Variants in SLC4A10 observed in about 807,000 individuals in gnomAD.
SLC4A10 encodes solute carrier family 4 member 10, also known as sodium-driven chloride bicarbonate exchanger.
Under a neutral mutation model 137.7 loss-of-function variants are expected in SLC4A10, and 42 were observed. That is an observed-to-expected ratio of 0.30 (90% CI 0.24 to 0.39). SLC4A10 has a LOEUF of 0.39. SLC4A10 is among the 10% of genes least tolerant of loss of function. The probability of loss-of-function intolerance (pLI) is 1.00; values close to 1 mark genes in which losing one functional copy is unlikely to be tolerated. For missense variants in SLC4A10, 925 were observed against 1,355.0 expected (o/e 0.68, Z 4.98); for synonymous variants, 474 against 464.1 (o/e 1.02, Z -0.27).
chr2:161,698,353 A>G (rs1398200425), intron 1 of SLC4A10, among the ~76,000 whole-genome samples: 1 of 152,110 alleles, frequency 6.6e-6, no homozygotes, highest in Non-Finnish European at 1.5e-5. Context: ...GTTGAATAGG[A>G]GTGGTGAGAG....
intron 16 of SLC4A10, among the ~76,000 whole-genome samples, chr2:161,944,289 T>A (rs2105773423): frequency 6.6e-6 from 1 of 151,956 alleles, no homozygotes; most frequent in Middle Eastern, 3.4e-3. Flanking sequence ...GTAAACTATA[T>A]TATGTTTACA....
chr2:161,907,053 C>A (rs2105355867), intron 15 of SLC4A10, among the ~76,000 whole-genome samples: 1 of 75,572 alleles, frequency 1.3e-5, no homozygotes, highest in Non-Finnish European at 2.3e-5. Context: ...GAGACTCCGT[C>A]TCAAAAAAAA....
At chr2:161,704,126 G>A (rs1033980308) in intron 1 of SLC4A10, among the ~76,000 whole-genome samples, 11 of 150,898 alleles carry the variant, frequency 7.3e-5, no homozygotes, top group Non-Finnish European at 1.5e-4. Context: ...AGTGAAAATC[G>A]CTTAAGATCA....
chr2:161,924,467 G>A (rs145821092), intron 15 of SLC4A10, among the ~76,000 whole-genome samples: 280 of 151,868 alleles, frequency 1.8e-3, no homozygotes, highest in African/African-American at 6.6e-3. Context: ...ATTTGCTTGG[G>A]TATACATGAT....
intron 1 of SLC4A10, among the ~76,000 whole-genome samples, chr2:161,748,239 G>A (rs1408061973): frequency 6.6e-6 from 1 of 151,918 alleles, no homozygotes; most frequent in Non-Finnish European, 1.5e-5. Context: ...TTTATTGTGT[G>A]GATTGTTTCC....
At chr2:161,838,464 C>T (rs1462232965) in intron 3 of SLC4A10, among the ~76,000 whole-genome samples, 1 of 152,100 alleles carries the variant, frequency 6.6e-6, no homozygotes, top group Non-Finnish European at 1.5e-5. Flanking sequence ...ATAACACACA[C>T]ACACAAATCA....
chr2:161,904,666 T>G, intron 13 of SLC4A10, 110 bp from the exon 14 acceptor site: 1 of 1,380,692 alleles, frequency 7.2e-7, no homozygotes, highest in Non-Finnish European at 9.8e-7. Context: ...TTGCTAGACT[T>G]TTCAGGGTGA....
At chr2:161,745,339 T>C (rs2048290447) in intron 1 of SLC4A10, among the ~76,000 whole-genome samples, 1 of 152,198 alleles carries the variant, frequency 6.6e-6, no homozygotes, top group African/African-American at 2.4e-5. Flanking sequence ...TCAGTTCTGG[T>C]GTTGAGAGAC....
At chr2:161,825,076 A>T (rs901996270) in intron 3 of SLC4A10, among the ~76,000 whole-genome samples, 3 of 152,170 alleles carry the variant, frequency 2.0e-5, no homozygotes, top group Non-Finnish European at 4.4e-5. Flanking sequence ...GTAAAAATAC[A>T]GTACATAATA....
chr2:161,776,342 A>G (rs1054190177), intron 2 of SLC4A10, among the ~76,000 whole-genome samples: 1 of 151,904 alleles, frequency 6.6e-6, no homozygotes, highest in Non-Finnish European at 1.5e-5. Context: ...GAAACTTGCT[A>G]TACAAACAAT....
chr2:161,626,289 G>T (rs2032350536), intron 1 of SLC4A10, among the ~76,000 whole-genome samples: 1 of 152,086 alleles, frequency 6.6e-6, no homozygotes, highest in East Asian at 1.9e-4. Context: ...AAGGGTTTAG[G>T]ACCAAATGAG....
intron 1 of SLC4A10, among the ~76,000 whole-genome samples, chr2:161,728,282 T>C (rs2046435155): frequency 6.6e-6 from 1 of 152,154 alleles, no homozygotes; most frequent in South Asian, 2.1e-4. Flanking sequence ...AAAATAAAAA[T>C]ATTCAGGCCA....
chr2:161,794,156 A>G (rs2054509359), intron 2 of SLC4A10, among the ~76,000 whole-genome samples: 1 of 152,124 alleles, frequency 6.6e-6, no homozygotes, highest in Admixed American at 6.6e-5. Flanking sequence ...AAGTAGTGCT[A>G]TTTATCGCCA....
At position 161,782,973 on chromosome 2, in the gene SLC4A10, G is replaced by A. The variant is rs73017152; in HGVS notation, c.130+11919G>A. Among the ~76,000 whole-genome samples the A allele has an allele frequency of 6.4e-3, 977 of 151,496 alleles. 11 individuals are homozygous for A. Among genetic ancestry groups the A allele is most frequent in the African/African-American group, 0.023 (927 of 41,140 alleles). On this transcript the variant is annotated intron_variant, in intron 2 of 26. Coordinates refer to ENST00000446997, the MANE Select transcript of SLC4A10 (RefSeq NM_001178015.2). Reference sequence around the variant, plus strand: ...CTAAAAACTCCCAAGTATGGAAAAGGAAATGTGTAATCCAAGGACCCCCAA... The same window carrying A: ...CTAAAAACTCCCAAGTATGGAAAAGAAAATGTGTAATCCAAGGACCCCCAA...
At chr2:161,884,147 A>AT (rs1382951191) in intron 10 of SLC4A10, among the ~76,000 whole-genome samples, 1 of 152,138 alleles carries the variant, frequency 6.6e-6, no homozygotes, top group Non-Finnish European at 1.5e-5. Flanking sequence ...AGCTCTTAGT[A>AT]TTTCTATATT....
At chr2:161,700,233 T>C (rs529262224) in intron 1 of SLC4A10, among the ~76,000 whole-genome samples, 26 of 152,268 alleles carry the variant, frequency 1.7e-4, no homozygotes, top group South Asian at 1.0e-3. Flanking sequence ...AGGAAACCTA[T>C]AGAGAGTTTT....
At chr2:161,887,947 T>G (rs1259607698) in intron 10 of SLC4A10, among the ~76,000 whole-genome samples, 1 of 152,206 alleles carries the variant, frequency 6.6e-6, no homozygotes, top group South Asian at 2.1e-4. Context: ...GGTCTTACAT[T>G]TAAGTCTTTA....
intron 2 of SLC4A10, among the ~76,000 whole-genome samples, chr2:161,798,912 A>G (rs193152129): frequency 1.3e-5 from 2 of 148,516 alleles, no homozygotes; most frequent in Non-Finnish European, 3.0e-5. Flanking sequence ...ATTCTAGATA[A>G]GGTTTTACAA....
At chr2:161,719,298 T>C (rs2125106633) in intron 1 of SLC4A10, among the ~76,000 whole-genome samples, 1 of 152,320 alleles carries the variant, frequency 6.6e-6, no homozygotes, top group Non-Finnish European at 1.5e-5. Context: ...TAATCCAGTC[T>C]ATCATTGTTG....
Sources: allele counts gnomAD v4.1 joint callset (sites outside exome capture counted in the v4.1 genomes callset), GRCh38; gene constraint gnomAD v4.1.1; transcripts MANE v1.5; gene names NCBI Gene and HGNC (gene_info 2026-07-23, HGNC 2026-07-21).